The following PARN variants were observed in gnomAD, a reference collection of about 807,000 sequenced individuals.
PARN encodes poly(A)-specific ribonuclease PARN.
PARN carries 71 observed loss-of-function variants against 102.8 expected under a neutral mutation model. The ratio of observed to expected loss-of-function variants is 0.69; its 90% CI spans 0.57 to 0.84. The LOEUF (loss-of-function observed/expected upper bound fraction) is 0.84. Among genes scored for constraint, PARN ranks in the 40% least tolerant of loss-of-function variants. The pLI is 0.00. For synonymous variants in PARN, 261 were observed against 252.9 expected (o/e 1.03, Z -0.30); for missense variants, 782 against 760.9 (o/e 1.03, Z -0.33).
chr16:14,515,708 G>GGGGGATTATTTGAGCCC (rs1222045135), intron 21 of PARN, among the ~76,000 whole-genome samples: 2 of 152,130 alleles, frequency 1.3e-5, no homozygotes, highest in Non-Finnish European at 2.9e-5. Context: ...GGCTGAGGCA[G>GGGGGATTATTTGAGCCC]GGGGATTATT....
chr16:14,583,052 A>T (rs1040495969), intron 16 of PARN, among the ~76,000 whole-genome samples: 3 of 152,220 alleles, frequency 2.0e-5, no homozygotes, highest in East Asian at 3.8e-4. Flanking sequence ...CCAACTCCAA[A>T]AATAAATCGA....
chr16:14,469,527 C>T (rs566648162), intron 22 of PARN, among the ~76,000 whole-genome samples: 15 of 152,156 alleles, frequency 9.9e-5, no homozygotes, highest in Non-Finnish European at 1.6e-4. Context: ...AAAGGAGGCC[C>T]CTCAGATCTG....
At chr16:14,460,411 T>G (rs1961900600) in intron 22 of PARN, among the ~76,000 whole-genome samples, 2 of 152,340 alleles carry the variant, frequency 1.3e-5, no homozygotes, top group South Asian at 4.1e-4. Flanking sequence ...AGCCAGTCCT[T>G]GCTTTGCACG....
chr16:14,506,111 G>A (rs1964884425), intron 21 of PARN, among the ~76,000 whole-genome samples: 1 of 152,204 alleles, frequency 6.6e-6, no homozygotes, highest in Non-Finnish European at 1.5e-5. Context: ...CATCAACTAC[G>A]TGGTACTCCC....
intron 5 of PARN, among the ~76,000 whole-genome samples, chr16:14,626,308 A>C (rs781139023): frequency 6.6e-6 from 1 of 152,158 alleles, no homozygotes; most frequent in African/African-American, 2.4e-5. Context: ...TCTTTTGTTT[A>C]TTTTAATTTT....
chr16:14,544,679 T>C (rs1049492808), intron 21 of PARN, among the ~76,000 whole-genome samples: 1 of 152,048 alleles, frequency 6.6e-6, no homozygotes, highest in Non-Finnish European at 1.5e-5. Context: ...AATAATAGTA[T>C]TACAAAAGAT....
At chr16:14,457,797 C>CAAAAA (rs35170336) in intron 22 of PARN, among the ~76,000 whole-genome samples, 2 of 30,150 alleles carry the variant, frequency 6.6e-5, no homozygotes, top group African/African-American at 1.6e-4. Context: ...GACTCTGTCT[C>CAAAAA]AAAAAAAAAA....
At chr16:14,453,622 T>A (rs1961560377) in intron 22 of PARN, among the ~76,000 whole-genome samples, 1 of 152,238 alleles carries the variant, frequency 6.6e-6, no homozygotes, top group Non-Finnish European at 1.5e-5. Flanking sequence ...TCACAGCAAC[T>A]ATTAATCTGC....
At chr16:14,534,016 G>A (rs1596600408) in intron 21 of PARN, among the ~76,000 whole-genome samples, 1 of 152,118 alleles carries the variant, frequency 6.6e-6, no homozygotes, top group African/African-American at 2.4e-5. Flanking sequence ...GTGTCCAGGT[G>A]TTTGAGACCA....
At chr16:14,535,249 G>A (rs1966561228) in intron 21 of PARN, among the ~76,000 whole-genome samples, 1 of 152,170 alleles carries the variant, frequency 6.6e-6, no homozygotes, top group Admixed American at 6.5e-5. Flanking sequence ...GGTCTGAGGT[G>A]CTCAGGTCAC....
intron 21 of PARN, among the ~76,000 whole-genome samples, chr16:14,551,518 G>T (rs530040990): frequency 1.3e-5 from 2 of 152,000 alleles, no homozygotes; most frequent in African/African-American, 2.4e-5. Flanking sequence ...GCAGTGAGCC[G>T]ACATTGCGCC....
At chr16:14,451,867 T>TAAAAAAAAAAAAAAAAAAAAAAAAA (rs1567287329) in intron 22 of PARN, among the ~76,000 whole-genome samples, 1 of 23,738 alleles carries the variant, frequency 4.2e-5, no homozygotes, top group Non-Finnish European at 7.5e-5. Flanking sequence ...AAAAAAAAAA[T>TAAAAAAAAAAAAAAAAAAAAAAAAA]ACAAAAAAAA....
intron 21 of PARN, among the ~76,000 whole-genome samples, chr16:14,514,981 G>A (rs1158421221): frequency 6.6e-6 from 1 of 152,200 alleles, no homozygotes; most frequent in Non-Finnish European, 1.5e-5. Context: ...TAACTTCTCT[G>A]TGGGGAGTAA....
chr16:14,519,728 T>C (rs1384226213), intron 21 of PARN, among the ~76,000 whole-genome samples: 1 of 152,196 alleles, frequency 6.6e-6, no homozygotes, highest in East Asian at 1.9e-4. Context: ...TAAAACAAAC[T>C]AACTGGCCAC....
intron 13 of PARN, among the ~76,000 whole-genome samples, chr16:14,588,721 A>C (rs1037638797): frequency 6.6e-6 from 1 of 151,916 alleles, no homozygotes; most frequent in Non-Finnish European, 1.5e-5. Context: ...CCACTAAAAA[A>C]AATTACAAAA....
chr16:14,568,986 C>A (rs778696747), intron 18 of PARN, among the ~76,000 whole-genome samples: 1 of 151,858 alleles, frequency 6.6e-6, no homozygotes, highest in African/African-American at 2.4e-5. Context: ...CTGAGGTGGG[C>A]GGATCACTTG....
rs914796441 is a variant in PARN, at chr16:14,454,012, T to C, written c.1671-6931A>G. On this transcript the variant is annotated intron_variant, in intron 22 of 23. Transcript: ENST00000437198. ...AACTTTACAGGAAACTGCCAAACTA[T>C]TTATTGGCCATTTGTATATCTTTTT... Among the ~76,000 whole-genome samples the C allele has an allele frequency of 2.6e-5, 4 of 152,208 alleles. 1 individual carries two copies. Among genetic ancestry groups the C allele is most frequent in the African/African-American group, 7.2e-5 (3 of 41,456 alleles).
chr16:14,610,656 A>G lies in PARN; in HGVS notation c.542T>C (p.Ile181Thr), dbSNP rs1330479686. Residue 181 changes from isoleucine to threonine, a missense_variant, in exon 7 of 24, where the codon ATT becomes ACT. By Grantham distance (89) the Ile-to-Thr change is moderately conservative (BLOSUM62 -1). Coordinates refer to ENST00000437198, the MANE Select transcript of PARN (RefSeq NM_002582.4). ...TTTAGGAACTTACACCACTTGGTCA[A>G]TAAACTTCTTTTGATCCTCAGGAAT... ...VTIPEDQKKF[I>T]DQVVEKIEDL... is the part of the protein sequence containing the mutation. 6.2e-7 allele frequency: 1 copy of G among 1,608,508 alleles called. No homozygotes were observed. The highest frequency in any genetic ancestry group is 8.5e-7 in the Non-Finnish European group (1 of 1,175,064).
chr16:14,581,560 C>T (rs1354718428), intron 17 of PARN, among the ~76,000 whole-genome samples: 2 of 151,996 alleles, frequency 1.3e-5, no homozygotes, highest in South Asian at 2.1e-4. Flanking sequence ...CTCCCCAGTA[C>T]GATGGTATTT....
Sources: allele counts gnomAD v4.1 joint callset (sites outside exome capture counted in the v4.1 genomes callset), GRCh38; gene constraint gnomAD v4.1.1; transcripts MANE v1.5; gene names NCBI Gene and HGNC (gene_info 2026-07-23, HGNC 2026-07-21).